LIPA: variants seen among roughly 807,000 people sequenced by gnomAD.
The protein encoded by LIPA is lipase A, lysosomal acid type, also known as lysosomal acid lipase/cholesteryl ester hydrolase.
LIPA carries 26 observed loss-of-function variants against 40.6 expected under a neutral mutation model. That is an observed-to-expected ratio of 0.64 (90% CI 0.47 to 0.89). The LOEUF (loss-of-function observed/expected upper bound fraction) is 0.89, where lower values mean the gene tolerates loss of function less well. Ranked by LOEUF, LIPA falls within the 40% of genes least tolerant of loss-of-function variation. The probability of loss-of-function intolerance (pLI) is 0.00; values close to 1 mark genes in which losing one functional copy is unlikely to be tolerated. For synonymous variants in LIPA, 188 were observed against 168.4 expected, an observed-to-expected ratio of 1.12 and a Z score of -0.90; for missense variants, 455 against 479.6, an observed-to-expected ratio of 0.95 and a Z score of 0.48.
chr10:89,266,534 T>C (rs1843237291), intron 1 of LIPA, among the ~76,000 whole-genome samples: 1 of 152,256 alleles, frequency 6.6e-6, no homozygotes, highest in Non-Finnish European at 1.5e-5. Flanking sequence ...ATGAATTTCA[T>C]GTTTAGACTT....
intron 4 of LIPA, 54 bp from the exon 5 acceptor site, chr10:89,227,058 A>G: frequency 9.4e-7 from 1 of 1,069,094 alleles, no homozygotes; most frequent in Non-Finnish European, 1.5e-6. Context: ...AATAGAGCAC[A>G]CACATACTGA....
Position 89,213,848 on chromosome 10 carries a change from C to T in LIPA, c.*980G>A, listed in dbSNP as rs1842583183. 6.6e-6 allele frequency: 1 copy of T among 152,176 alleles called. No homozygotes were observed. The highest frequency in any genetic ancestry group is 6.5e-5 in the Admixed American group (1 of 15,282). 9.4% of individuals were successfully genotyped at this position (152,176 alleles called of 1,614,324 possible). A position where few individuals can be genotyped will look rare whatever the true frequency, so the allele number is the denominator to read the frequency against. On this transcript the variant is annotated 3_prime_UTR_variant, in exon 10 of 10. Coordinates refer to ENST00000336233, the MANE Select transcript of LIPA (RefSeq NM_000235.4). ...TAAGGATGCATATAAAACTAAGACACAAAATGAATCCCTGAGCTGAGTTTG... is the reference window on the plus strand; with the variant it reads ...TAAGGATGCATATAAAACTAAGACATAAAATGAATCCCTGAGCTGAGTTTG...
intron 1 of LIPA, among the ~76,000 whole-genome samples, chr10:89,309,974 T>A (rs1843506684): frequency 6.6e-6 from 1 of 152,166 alleles, no homozygotes; most frequent in Non-Finnish European, 1.5e-5. Context: ...TTTATCAGAG[T>A]TATCGGACCA....
chr10:89,303,260 A>G (rs1389155148), intron 1 of LIPA, among the ~76,000 whole-genome samples: 3 of 152,166 alleles, frequency 2.0e-5, no homozygotes, highest in Admixed American at 2.0e-4. Context: ...TTGCCTGGAC[A>G]GCTTATTAAG....
intron 2 of LIPA, chr10:89,383,327 CT>C: frequency 6.2e-7 from 1 of 1,609,676 alleles, no homozygotes; most frequent in East Asian, 2.2e-5. Flanking sequence ...AGTGAAGAAT[CT>C]GATGGAAAGC....
chr10:89,331,088 T>C (rs1843644711), intron 1 of LIPA, among the ~76,000 whole-genome samples: 1 of 152,176 alleles, frequency 6.6e-6, no homozygotes, highest in Non-Finnish European at 1.5e-5. Flanking sequence ...ACTTCCAGTG[T>C]AGAGAAAAAT....
chr10:89,249,696 T>C (rs1843087721), intron 1 of LIPA, among the ~76,000 whole-genome samples: 1 of 152,180 alleles, frequency 6.6e-6, no homozygotes, highest in African/African-American at 2.4e-5. Flanking sequence ...GTCTAATCTA[T>C]ATTCACAGAA....
chr10:89,251,558 C>T (rs1843121911), intron 1 of LIPA, among the ~76,000 whole-genome samples, 179 bp downstream of exon 1: 1 of 152,220 alleles, frequency 6.6e-6, no homozygotes, highest in Non-Finnish European at 1.5e-5. Context: ...TTGGCAGATG[C>T]CTTGAGCCAA....
At chr10:89,289,867 C>T (rs562712921) in intron 1 of LIPA, among the ~76,000 whole-genome samples, 1 of 152,252 alleles carries the variant, frequency 6.6e-6, no homozygotes, top group Admixed American at 6.5e-5. Context: ...CAGCTATCTC[C>T]ACCACACTAT....
At chr10:89,404,449 G>C (rs571166572) in intron 2 of LIPA, 1 of 152,294 alleles carries the variant, frequency 6.6e-6, no homozygotes, top group African/African-American at 2.4e-5. Context: ...TTAATGTTAA[G>C]TCTCCACCAC....
chr10:89,264,780 ACAC>A (rs772269142), intron 1 of LIPA, among the ~76,000 whole-genome samples: 60 of 152,140 alleles, frequency 3.9e-4, no homozygotes, highest in Non-Finnish European at 8.2e-4. Context: ...TGGGCTGTGG[ACAC>A]CACCTGGAAC....
At chr10:89,300,226 A>G (rs1843436969) in intron 1 of LIPA, among the ~76,000 whole-genome samples, 1 of 152,182 alleles carries the variant, frequency 6.6e-6, no homozygotes, top group African/African-American at 2.4e-5. Flanking sequence ...ACTTTATCTC[A>G]TGGACATTGA....
intron 2 of LIPA, among the ~76,000 whole-genome samples, chr10:89,377,715 G>C (rs1199042624): frequency 6.6e-6 from 1 of 152,176 alleles, no homozygotes; most frequent in Non-Finnish European, 1.5e-5. Flanking sequence ...GGATACATGT[G>C]ATAGTAACAA....
chr10:89,255,458 G>A (rs1179743721), upstream of LIPA, among the ~76,000 whole-genome samples: 4 of 152,092 alleles, frequency 2.6e-5, no homozygotes, highest in Non-Finnish European at 4.4e-5. Context: ...ACAACATGTG[G>A]GCATTATGGG....
chr10:89,241,448 C>T (rs1268017208), intron 3 of LIPA, among the ~76,000 whole-genome samples: 4 of 152,160 alleles, frequency 2.6e-5, no homozygotes, highest in South Asian at 4.2e-4. Context: ...ATGTGTAGCC[C>T]GTTAGAGCAC....
At chr10:89,361,797 G>A (rs1844023115) in intron 2 of LIPA, among the ~76,000 whole-genome samples, 1 of 138,614 alleles carries the variant, frequency 7.2e-6, no homozygotes, top group South Asian at 2.5e-4. Flanking sequence ...CGTTGACAAT[G>A]TTAAGCTTTA....
intron 1 of LIPA, among the ~76,000 whole-genome samples, chr10:89,260,164 C>G (rs1464752522): frequency 8.5e-5 from 13 of 152,120 alleles, no homozygotes. Context: ...AATCAGTAAC[C>G]ACCCAACAGA....
chr10:89,408,398 T>A (rs1841442894), intron 2 of LIPA, among the ~76,000 whole-genome samples: 1 of 152,208 alleles, frequency 6.6e-6, no homozygotes, highest in Non-Finnish European at 1.5e-5. Flanking sequence ...AGCTTGCAAT[T>A]TACATCCCAC....
At chr10:89,301,441 C>T (rs111333336) in intron 1 of LIPA, among the ~76,000 whole-genome samples, 19 of 152,312 alleles carry the variant, frequency 1.2e-4, no homozygotes, top group African/African-American at 4.3e-4. Context: ...ATGGTAATCA[C>T]AAGGCAGGGA....
Sources: allele counts gnomAD v4.1 joint callset (sites outside exome capture counted in the v4.1 genomes callset), GRCh38; gene constraint gnomAD v4.1.1; transcripts MANE v1.5; gene names NCBI Gene and HGNC (gene_info 2026-07-23, HGNC 2026-07-21).